The following CSMD2 variants were observed in gnomAD, a reference collection of about 807,000 sequenced individuals.
The protein encoded by CSMD2 is CUB and Sushi multiple domains 2.
Under a neutral mutation model 398.5 loss-of-function variants are expected in CSMD2, and 130 were observed. The ratio of observed to expected loss-of-function variants is 0.33; its 90% confidence interval spans 0.28 to 0.38. The LOEUF is 0.38. Among genes scored for constraint, CSMD2 ranks in the 10% least tolerant of loss-of-function variants. The pLI is 1.00. For missense variants in CSMD2, 3,829 were observed against 4,764.9 expected (o/e 0.80, Z 5.78); for synonymous variants, 1,828 against 1,908.5 (o/e 0.96, Z 1.10).
rs377698278 is a variant in CSMD2 at position 33,766,948 on chromosome 1, T to C, written c.1846+5621A>G. Among the ~76,000 whole-genome samples the C allele has an allele frequency of 9.8e-5, 15 of 152,300 alleles. No individual in the cohort carries two copies. In the South Asian group the frequency reaches 3.1e-3, roughly 32 times the overall value. On this transcript the variant is annotated intron_variant, in intron 13 of 70. Transcript: ENST00000373381. ...ATATTTTGGGGAAACCATGCAACAGTATGCATCAAGAGTCATAAAAATACT... is the reference window on the plus strand; with the variant it reads ...ATATTTTGGGGAAACCATGCAACAGCATGCATCAAGAGTCATAAAAATACT...
chr1:33,789,221 C>A (rs1049626605), intron 11 of CSMD2, among the ~76,000 whole-genome samples: 1 of 151,514 alleles, frequency 6.6e-6, no homozygotes, highest in African/African-American at 2.4e-5. Flanking sequence ...GGATAAGGAA[C>A]AAGGCTTAGA....
At chr1:33,673,124 C>T (rs574611535) in intron 25 of CSMD2, among the ~76,000 whole-genome samples, 35 of 151,586 alleles carry the variant, frequency 2.3e-4, no homozygotes, top group East Asian at 1.4e-3. Flanking sequence ...ATGACTTTGA[C>T]GAGTTGAGAG....
chr1:33,589,719 G>A (rs527257705), intron 44 of CSMD2, among the ~76,000 whole-genome samples: 29 of 152,218 alleles, frequency 1.9e-4, no homozygotes, highest in East Asian at 1.2e-3. Flanking sequence ...GTGAAACCCC[G>A]CAGCTTGACA....
At chr1:33,551,344 G>A (rs776515305) in intron 55 of CSMD2, among the ~76,000 whole-genome samples, 45 of 152,314 alleles carry the variant, frequency 3.0e-4, no homozygotes, top group African/African-American at 1.1e-3. Flanking sequence ...TTATATGATC[G>A]GATTTACATT....
At chr1:33,804,137 T>C (rs1225472084) in intron 10 of CSMD2, among the ~76,000 whole-genome samples, 1 of 152,254 alleles carries the variant, frequency 6.6e-6, no homozygotes, top group Non-Finnish European at 1.5e-5. Context: ...AATAAAATCA[T>C]TCATATAGAC....
At chr1:34,050,575 C>G (rs534248632) in intron 2 of CSMD2, among the ~76,000 whole-genome samples, 93 of 152,280 alleles carry the variant, frequency 6.1e-4, no homozygotes, top group African/African-American at 2.2e-3. Context: ...AGCTAGGTGG[C>G]AATACCTTGC....
chr1:33,559,580 T>C lies in CSMD2; in HGVS notation c.8381-107A>G. The C allele has an allele frequency of 1.1e-6, 1 of 934,932 alleles. No individual in the cohort carries two copies. 57.9% of individuals were successfully genotyped at this position (934,932 alleles called of 1,614,324 possible). ...TTAGGCCATCAGTGAAGTTCAGCCC[T>C]AAGTCTAACTTCAATCTCTTTTGCT... On this transcript the variant is annotated intron_variant, in intron 53 of 70. Transcript: ENST00000373381. This position sits in a 1 kb window ranked among gnomAD's most constrained non-coding sequence, Gnocchi z 4.0.
intron 5 of CSMD2, among the ~76,000 whole-genome samples, chr1:33,901,085 C>T (rs1405176288): frequency 2.6e-5 from 4 of 152,162 alleles, no homozygotes; most frequent in Non-Finnish European, 5.9e-5. Context: ...TCTTTATCTG[C>T]AAGATGGGTA....
intron 1 of CSMD2, among the ~76,000 whole-genome samples, chr1:34,114,294 TTTGTTG>T (rs71571768): frequency 0.39 from 58,772 of 150,588 alleles, 12,025 homozygotes; most frequent in East Asian, 0.68. Flanking sequence ...GGAGAACTCC[TTTGTTG>T]TTGTTGTTGT....
intron 2 of CSMD2, among the ~76,000 whole-genome samples, chr1:34,073,731 T>A (rs577653096): frequency 6.6e-6 from 1 of 152,346 alleles, no homozygotes; most frequent in South Asian, 2.1e-4. Context: ...GGGAAAGCCT[T>A]GTTTCTGGCT....
At chr1:34,155,999 A>T (rs2148569369) in intron 1 of CSMD2, among the ~76,000 whole-genome samples, 1 of 152,334 alleles carries the variant, frequency 6.6e-6, no homozygotes, top group East Asian at 1.9e-4. Context: ...CCTAGGCCAA[A>T]CAAGGCCTTT....
At position 33,798,499 on chromosome 1, in the gene CSMD2, C is replaced by A. The variant is rs570209805; in HGVS notation, c.1447-5973G>T. On this transcript the variant is annotated intron_variant, in intron 10 of 70. Transcript: ENST00000373381. ...ATAGAGGAGGTGGGTCTGGGCCTGG[C>A]GGGATGGAGAAGGGTGTGTGTGGGC... 4.6e-5 allele frequency among the ~76,000 whole-genome samples: 7 copies of A among 152,084 alleles called. No homozygotes were observed. The East Asian group carries it at 1.4e-3, about 29-fold the overall frequency.
intron 32 of CSMD2, among the ~76,000 whole-genome samples, chr1:33,631,691 T>A (rs1188572057): frequency 2.6e-5 from 4 of 152,130 alleles, no homozygotes; most frequent in Non-Finnish European, 4.4e-5. Flanking sequence ...TCCCAAGGGC[T>A]ACAGAAGATA....
rs765541104 is a variant in CSMD2, at chr1:33,611,206, C to T, written c.6178G>A (p.Asp2060Asn). ...FLNFSTEPNH[D>N]YIEIRNGPYE... The stretch of plus-strand genomic sequence containing the variant: ...GGGCCATTCCGGATTTCTATGTAGT[C>T]GTGGTTGGGCTCGGTGGAGAAGTTC... The change falls in exon 41 of 71, where the codon GAC (aspartate) becomes AAC (asparagine). Residue 2060 changes from aspartate to asparagine, a missense_variant. Asp to Asn is a conservative substitution (Grantham distance 23, BLOSUM62 1). Around this residue, in one of 5 missense-constraint regions of CSMD2, gnomAD observed 2,001 missense variants for 2,567.1 expected, o/e 0.78. Coordinates refer to ENST00000373381, the MANE Select transcript of CSMD2 (RefSeq NM_001281956.2). 5 of 1,613,862 alleles carry T rather than the reference C, an allele frequency of 3.1e-6. No homozygotes were observed. The highest frequency in any genetic ancestry group is 1.7e-5 in the Admixed American group (1 of 59,994).
intron 12 of CSMD2, among the ~76,000 whole-genome samples, chr1:33,776,065 C>A (rs1260493738): frequency 6.6e-6 from 1 of 152,158 alleles, no homozygotes; most frequent in African/African-American, 2.4e-5. Flanking sequence ...TGATATCACT[C>A]TCTCTAGAGA....
chr1:34,132,580 A>C (rs1663473478), intron 1 of CSMD2, among the ~76,000 whole-genome samples: 1 of 152,216 alleles, frequency 6.6e-6, no homozygotes, highest in South Asian at 2.1e-4. Context: ...GTTCAGGAAA[A>C]TATTAGCATT....
intron 5 of CSMD2, among the ~76,000 whole-genome samples, chr1:33,906,014 G>A (rs1643064652): frequency 6.6e-6 from 1 of 152,188 alleles, no homozygotes; most frequent in Non-Finnish European, 1.5e-5. Flanking sequence ...CATTTTCCCT[G>A]TCATGGTATT....
intron 64 of CSMD2, among the ~76,000 whole-genome samples, chr1:33,529,067 G>A (rs1221383523): frequency 5.9e-5 from 9 of 152,112 alleles, no homozygotes. Context: ...CAAAACAATA[G>A]GCAAACAGTC....
intron 3 of CSMD2, among the ~76,000 whole-genome samples, chr1:33,943,794 T>A (rs912871744): frequency 6.6e-6 from 1 of 152,144 alleles, no homozygotes; most frequent in African/African-American, 2.4e-5. Flanking sequence ...AACAGTGCTG[T>A]ATTCTTTATA....
Sources: gnomAD v4.1 joint callset for allele counts (sites outside exome capture counted in the v4.1 genomes callset) on GRCh38, gnomAD v4.1.1 for gene constraint, gnomAD v4.1.1 regional missense constraint, Gnocchi (gnomAD v3.1) non-coding constraint, MANE v1.5 for transcripts, NCBI Gene and HGNC (gene_info 2026-07-23, HGNC 2026-07-21) for gene names.